Variants in ADAMTS3 observed in about 807,000 individuals in gnomAD.
The protein encoded by ADAMTS3 is ADAM metallopeptidase with thrombospondin type 1 motif 3.
A neutral mutation model predicts 129.0 loss-of-function variants in ADAMTS3; 73 were observed. That is an observed-to-expected ratio of 0.57 (90% CI 0.47 to 0.69). The LOEUF (loss-of-function observed/expected upper bound fraction) is 0.69. ADAMTS3 is among the 30% of genes least tolerant of loss of function. The pLI is 0.00. For synonymous variants in ADAMTS3, 477 were observed against 510.8 expected (o/e 0.93, Z 0.89); for missense variants, 1,457 against 1,514.5 (o/e 0.96, Z 0.63).
intron 21 of ADAMTS3, among the ~76,000 whole-genome samples, chr4:72,285,633 C>T (rs533500802): frequency 7.9e-5 from 12 of 152,068 alleles, no homozygotes; most frequent in Admixed American, 2.0e-4. Flanking sequence ...CTGTTCATAA[C>T]CTGGGTTTCA....
chr4:72,541,698 T>C (rs1157426329), intron 3 of ADAMTS3, among the ~76,000 whole-genome samples: 1 of 152,170 alleles, frequency 6.6e-6, no homozygotes, highest in Non-Finnish European at 1.5e-5. Flanking sequence ...TGAGATCTGA[T>C]GGTTTTACAA....
intron 4 of ADAMTS3, among the ~76,000 whole-genome samples, chr4:72,368,180 G>T (rs190990249): frequency 6.6e-6 from 1 of 151,880 alleles, no homozygotes; most frequent in Non-Finnish European, 1.5e-5. Flanking sequence ...TTATGCCTTC[G>T]CTTAAGCTTT....
At chr4:72,391,231 A>G (rs571739894) in intron 4 of ADAMTS3, among the ~76,000 whole-genome samples, 1 of 152,208 alleles carries the variant, frequency 6.6e-6, no homozygotes, top group Non-Finnish European at 1.5e-5. Context: ...TGTATATTGT[A>G]TATTACGTGT....
intron 4 of ADAMTS3, among the ~76,000 whole-genome samples, chr4:72,404,856 AC>A (rs1478233586): frequency 4.6e-5 from 7 of 150,714 alleles, no homozygotes; most frequent in African/African-American, 1.7e-4. Context: ...ACACACACAC[AC>A]ACAAAACACA....
At chr4:72,369,289 GA>G (rs1259137185) in intron 4 of ADAMTS3, among the ~76,000 whole-genome samples, 8 of 152,130 alleles carry the variant, frequency 5.3e-5, no homozygotes, top group Non-Finnish European at 8.8e-5. Flanking sequence ...TAGTTAAACT[GA>G]AACTCAAGCC....
chr4:72,498,724 G>A (rs1031278168), intron 3 of ADAMTS3, among the ~76,000 whole-genome samples: 3 of 151,720 alleles, frequency 2.0e-5, no homozygotes, highest in Admixed American at 2.0e-4. Flanking sequence ...TATTCTTGGA[G>A]CATCTAGGAT....
In ADAMTS3 at chr4:72,319,395, T is replaced by A; in HGVS notation, c.1289A>T (p.Gln430Leu). The A allele has an allele frequency of 1.2e-6, 2 of 1,613,970 alleles. No homozygotes were observed. The highest frequency in any genetic ancestry group is 8.5e-7 in the Non-Finnish European group (1 of 1,179,938). The part of the protein sequence containing the change: ...AMGSVMAPLV[Q>L]AAFHRYHWSR... Reference sequence around the variant, plus strand: ...CCAGTGGTAACGATGGAATGCTGCTTGTACCAAGGGAGCCATGACACTTCC... The same window carrying A: ...CCAGTGGTAACGATGGAATGCTGCTAGTACCAAGGGAGCCATGACACTTCC... The change falls in exon 9 of 22, where the codon CAA (glutamine) becomes CTA (leucine). Residue 430 changes from glutamine (Q) to leucine (L), a missense_variant. Transcript: ENST00000286657.
intron 6 of ADAMTS3, 97 bp downstream of exon 6, chr4:72,322,917 T>C (rs1719595348): frequency 1.1e-6 from 1 of 948,054 alleles, no homozygotes; most frequent in Admixed American, 1.8e-5. Flanking sequence ...ATATGGAATA[T>C]ATCTATGCCT....
intron 17 of ADAMTS3, among the ~76,000 whole-genome samples, chr4:72,299,030 T>C (rs1718883964): frequency 6.7e-6 from 1 of 149,534 alleles, no homozygotes; most frequent in Non-Finnish European, 1.5e-5. Context: ...ATTATTGTGA[T>C]AGTCCCTCAA....
chr4:72,282,351 A>G lies in ADAMTS3; in HGVS notation c.*785T>C, dbSNP rs908853238. 22 of 152,230 alleles carry G rather than the reference A, an allele frequency of 1.4e-4. No homozygotes were observed. The highest frequency in any genetic ancestry group is 4.8e-4 in the African/African-American group (20 of 41,464). 9.4% of individuals were successfully genotyped at this position (152,230 alleles called of 1,614,324 possible). On this transcript the variant is annotated 3_prime_UTR_variant, in exon 22 of 22. Coordinates refer to ENST00000286657, the MANE Select transcript of ADAMTS3 (RefSeq NM_014243.3). Reference sequence around the variant, plus strand: ...TGACCACAAGTGTACTAAGACACCAATCCTTTAAATTATAAGTATAGAAGG... The same window carrying G: ...TGACCACAAGTGTACTAAGACACCAGTCCTTTAAATTATAAGTATAGAAGG...
chr4:72,380,673 G>A (rs1721264510), intron 4 of ADAMTS3, among the ~76,000 whole-genome samples: 2 of 151,974 alleles, frequency 1.3e-5, no homozygotes, highest in South Asian at 4.2e-4. Flanking sequence ...AGGAAATATC[G>A]AATTTCTCAC....
intron 5 of ADAMTS3, among the ~76,000 whole-genome samples, chr4:72,327,375 G>A (rs1719726015): frequency 6.6e-6 from 1 of 152,066 alleles, no homozygotes. Context: ...TAATTTTTCT[G>A]AAGTAAAAGC....
At chr4:72,494,834 A>G (rs191658002) in intron 3 of ADAMTS3, among the ~76,000 whole-genome samples, 1 of 152,300 alleles carries the variant, frequency 6.6e-6, no homozygotes, top group Admixed American at 6.5e-5. Context: ...AGATGCAACA[A>G]TGAAATCTCC....
At chr4:72,344,010 C>T (rs1720208887) in intron 4 of ADAMTS3, among the ~76,000 whole-genome samples, 1 of 152,050 alleles carries the variant, frequency 6.6e-6, no homozygotes, top group Non-Finnish European at 1.5e-5. Context: ...TGTGCACCCC[C>T]TAGTTTCCCA....
chr4:72,498,028 T>G (rs1329976334), intron 3 of ADAMTS3, among the ~76,000 whole-genome samples: 2 of 152,026 alleles, frequency 1.3e-5, no homozygotes, highest in African/African-American at 2.4e-5. Flanking sequence ...CTAAATTCTC[T>G]CTTTGTACAT....
chr4:72,289,518 G>A lies in ADAMTS3; in HGVS notation c.2932-650C>T, dbSNP rs143916714. Among the ~76,000 whole-genome samples, 551 of 152,292 alleles carry A rather than the reference G, an allele frequency of 3.6e-3. 6 individuals carry two copies. The highest frequency in any genetic ancestry group is 0.013 in the African/African-American group (527 of 41,550). On this transcript the variant is annotated intron_variant, in intron 20 of 21. Coordinates refer to ENST00000286657, the MANE Select transcript of ADAMTS3 (RefSeq NM_014243.3). ...ATGGCCCTAGGAAGGTGCTGTGGAGGAGGGACTTCTACTGAGACTTTGATA... is the reference window on the plus strand; with the variant it reads ...ATGGCCCTAGGAAGGTGCTGTGGAGAAGGGACTTCTACTGAGACTTTGATA...
At chr4:72,518,967 G>A (rs918599385) in intron 3 of ADAMTS3, among the ~76,000 whole-genome samples, 5 of 151,892 alleles carry the variant, frequency 3.3e-5, no homozygotes, top group Admixed American at 6.6e-5. Context: ...ATTTTGCAGC[G>A]GCTGGTACCA....
At chr4:72,312,108 T>C in intron 13 of ADAMTS3, 183 bp downstream of exon 13, 1 of 604,312 alleles carries the variant, frequency 1.7e-6, no homozygotes, top group Non-Finnish European at 2.9e-6. Context: ...TGCACCATTC[T>C]TACCTCTTTA....
intron 3 of ADAMTS3, among the ~76,000 whole-genome samples, chr4:72,419,890 A>G (rs922710364): frequency 6.6e-6 from 1 of 152,156 alleles, no homozygotes; most frequent in Non-Finnish European, 1.5e-5. Flanking sequence ...AAATAAATAA[A>G]TAAAAAAGAA....
Sources: allele counts gnomAD v4.1 joint callset (sites outside exome capture counted in the v4.1 genomes callset), GRCh38; gene constraint gnomAD v4.1.1; transcripts MANE v1.5; gene names NCBI Gene and HGNC (gene_info 2026-07-23, HGNC 2026-07-21).